Variants in AIG1 observed in about 807,000 individuals in gnomAD.
AIG1 encodes the protein androgen induced 1.
In AIG1, 23 loss-of-function variants were observed where a neutral mutation model predicts 31.4. That is an observed-to-expected ratio of 0.73 (90% confidence interval 0.53 to 1.04). The LOEUF (loss-of-function observed/expected upper bound fraction) is 1.04, where lower values mean the gene tolerates loss of function less well. Ranked by LOEUF, AIG1 falls within the 50% of genes least tolerant of loss-of-function variation. The pLI is 0.00. For missense variants in AIG1, 274 were observed against 295.0 expected (o/e 0.93, Z 0.52); for synonymous variants, 100 against 110.5 (o/e 0.90, Z 0.60).
At chr6:143,220,850 T>A (rs1792443719) in intron 3 of AIG1, among the ~76,000 whole-genome samples, 1 of 152,232 alleles carries the variant, frequency 6.6e-6, no homozygotes, top group Admixed American at 6.5e-5. Context: ...TATCTTGAGC[T>A]AAAATCTACC....
intron 2 of AIG1, among the ~76,000 whole-genome samples, chr6:143,152,395 A>G (rs1442511776): frequency 6.6e-6 from 1 of 152,206 alleles, no homozygotes. Flanking sequence ...TGAGAAAGAA[A>G]GACAGCAAGA....
intron 1 of AIG1, among the ~76,000 whole-genome samples, chr6:143,085,982 A>G (rs1292039925): frequency 6.6e-6 from 1 of 152,254 alleles, no homozygotes; most frequent in African/African-American, 2.4e-5. Context: ...CCATACTTTA[A>G]GATTTTTGAG....
chr6:143,174,528 CT>C (rs1369346443), intron 3 of AIG1, among the ~76,000 whole-genome samples: 2 of 150,866 alleles, frequency 1.3e-5, no homozygotes, highest in Non-Finnish European at 3.0e-5. Flanking sequence ...CTCCTGCTCA[CT>C]TTTAGTGTCC....
intron 4 of AIG1, among the ~76,000 whole-genome samples, chr6:143,307,639 G>T (rs187606532): frequency 6.8e-6 from 1 of 146,138 alleles, no homozygotes; most frequent in African/African-American, 2.4e-5. Context: ...TAGGCTGCTC[G>T]GGGGTCAGGG....
At chr6:143,087,492 G>A (rs1037471440) in intron 1 of AIG1, among the ~76,000 whole-genome samples, 1 of 152,200 alleles carries the variant, frequency 6.6e-6, no homozygotes, top group African/African-American at 2.4e-5. Flanking sequence ...AGCAATGGAC[G>A]CCTCACTCGA....
intron 4 of AIG1, among the ~76,000 whole-genome samples, chr6:143,303,976 C>G (rs893662434): frequency 2.7e-5 from 4 of 146,452 alleles, no homozygotes; most frequent in Admixed American, 6.8e-5. Flanking sequence ...GTATTTTATT[C>G]TCTTTGAAGC....
intron 3 of AIG1, among the ~76,000 whole-genome samples, chr6:143,252,188 C>G (rs901805590): frequency 1.3e-5 from 2 of 152,178 alleles, no homozygotes; most frequent in Non-Finnish European, 2.9e-5. Context: ...GGCACGATCT[C>G]AGCTCACTGC....
At chr6:143,168,194 TATTTA>T (rs1196920011) in intron 3 of AIG1, among the ~76,000 whole-genome samples, 2 of 152,188 alleles carry the variant, frequency 1.3e-5, no homozygotes, top group African/African-American at 4.8e-5. Context: ...TGGTTTTTAA[TATTTA>T]ATTTAAAAAT....
chr6:143,084,843 T>A (rs1048023586), intron 1 of AIG1, among the ~76,000 whole-genome samples: 1 of 152,126 alleles, frequency 6.6e-6, no homozygotes, highest in Non-Finnish European at 1.5e-5. Context: ...AGCACCAATC[T>A]CCATGTTCTG....
At chr6:143,089,688 G>C (rs1350085106) in intron 1 of AIG1, among the ~76,000 whole-genome samples, 1 of 152,196 alleles carries the variant, frequency 6.6e-6, no homozygotes, top group Non-Finnish European at 1.5e-5. Flanking sequence ...GTAACGGGGA[G>C]CCTGAGTATG....
At chr6:143,296,072 C>T (rs1562566435) in intron 4 of AIG1, among the ~76,000 whole-genome samples, 1 of 152,074 alleles carries the variant, frequency 6.6e-6, no homozygotes, top group Non-Finnish European at 1.5e-5. Context: ...CACACACCCA[C>T]ACACGCACAC....
chr6:143,308,097 G>A (rs895094638), intron 4 of AIG1, among the ~76,000 whole-genome samples: 16 of 152,206 alleles, frequency 1.1e-4, no homozygotes, highest in Non-Finnish European at 1.8e-4. Flanking sequence ...CGATTTTCCA[G>A]GTGCCGTCTG....
intron 2 of AIG1, among the ~76,000 whole-genome samples, chr6:143,150,519 T>G (rs563470971): frequency 3.3e-5 from 5 of 152,242 alleles, no homozygotes; most frequent in South Asian, 2.1e-4. Flanking sequence ...CCCTACAGAT[T>G]GTGATGTCAG....
At chr6:143,213,956 A>T (rs1791806848) in intron 3 of AIG1, among the ~76,000 whole-genome samples, 1 of 152,210 alleles carries the variant, frequency 6.6e-6, no homozygotes, top group Non-Finnish European at 1.5e-5. Flanking sequence ...TGCAAGATGG[A>T]CTATAATCAA....
chr6:143,189,515 T>G (rs1241404923), intron 3 of AIG1: 1 of 985,332 alleles, frequency 1.0e-6, no homozygotes, highest in Non-Finnish European at 1.2e-6. Context: ...GAGTGTCATA[T>G]GCTAAGTTAT....
In AIG1 at chr6:143,298,712, T is replaced by C. The variant is rs1457736767; in HGVS notation, c.515+14487T>C. 6.6e-6 allele frequency: 1 copy of C among 152,318 alleles called. No individual in the cohort carries two copies. The highest frequency in any genetic ancestry group is 6.5e-5 in the Admixed American group (1 of 15,282). 9.4% of individuals were successfully genotyped at this position (152,318 alleles called of 1,614,324 possible). ...AGGAATTTGAGGCTGTAGTATAGTA[T>C]GCTTGTGCCACTGCACTCCACCCTG... On this transcript the variant is annotated intron_variant, in intron 4 of 5. Transcript: ENST00000357847. This position sits in a 1 kb window ranked among gnomAD's most constrained non-coding sequence, Gnocchi z 5.1.
intron 2 of AIG1, among the ~76,000 whole-genome samples, chr6:143,152,834 A>G (rs1454881985): frequency 1.3e-5 from 2 of 152,162 alleles, no homozygotes; most frequent in African/African-American, 2.4e-5. Flanking sequence ...TTCACAAAAT[A>G]AGACTGCCAC....
intron 3 of AIG1, among the ~76,000 whole-genome samples, chr6:143,233,579 CAA>C (rs67282019): frequency 5.7e-5 from 7 of 123,596 alleles, no homozygotes; most frequent in Non-Finnish European, 3.3e-5. Context: ...ATTTATGGAC[CAA>C]AAAAAAAAAA....
At chr6:143,110,693 T>C (rs146361201) in intron 1 of AIG1, among the ~76,000 whole-genome samples, 1 of 151,672 alleles carries the variant, frequency 6.6e-6, no homozygotes, top group African/African-American at 2.4e-5. Context: ...AGGTGCGGAG[T>C]TTTTTTTGGT....
Sources: gnomAD v4.1 joint callset for allele counts (sites outside exome capture counted in the v4.1 genomes callset) on GRCh38, gnomAD v4.1.1 for gene constraint, Gnocchi (gnomAD v3.1) non-coding constraint, MANE v1.5 for transcripts, NCBI Gene and HGNC (gene_info 2026-07-23, HGNC 2026-07-21) for gene names.